The following WDR46 variants were observed in gnomAD, a reference collection of about 807,000 sequenced individuals.
WDR46 encodes the protein WD repeat domain 46.
In WDR46, 58 loss-of-function variants were observed where a neutral mutation model predicts 74.7. The observed-to-expected ratio is 0.78, with a 90% CI of 0.63 to 0.97. WDR46 has a LOEUF of 0.97. Ranked by LOEUF, WDR46 falls within the 50% of genes least tolerant of loss-of-function variation. The probability of loss-of-function intolerance (pLI) is 0.00; values close to 1 mark genes in which losing one functional copy is unlikely to be tolerated. For synonymous variants in WDR46, 278 were observed against 297.3 expected (o/e 0.93, Z 0.67); for missense variants, 702 against 790.1 (o/e 0.89, Z 1.34).
Position 33,288,917 on chromosome 6 carries a change from G to A in WDR46, c.166C>T (p.Gln56Ter), listed in dbSNP as rs1766989165. Reference protein sequence around the residue: ...RNKKNRELRPQRPKNAYILKK... With the variant: ...RNKKNRELRP ...AAGATGTAAGCATTTTTTGGTCTCT[G>A]AGGACGGAGCTCCCGATTCTTCTTG... is the stretch of plus-strand genomic sequence containing the variant. Residue 56 changes from glutamine to a stop codon, truncating the protein, a stop_gained, in exon 2 of 15, where the codon CAG becomes TAG. Coordinates refer to ENST00000374617, the MANE Select transcript of WDR46 (RefSeq NM_005452.6). LOFTEE classifies it high-confidence loss of function. 1 of 1,613,908 alleles carries A rather than the reference G, an allele frequency of 6.2e-7. No homozygotes were observed.
chr6:33,279,109 C>G lies in WDR46; in HGVS notation c.*167G>C. ...CCACAAGATGATCCAGACACATTAT[C>G]CAAAAAATCGCTTTCCTCTTTAATA... is the stretch of plus-strand genomic sequence containing the variant. On this transcript the variant is annotated 3_prime_UTR_variant, in exon 15 of 15. Coordinates refer to ENST00000374617, the MANE Select transcript of WDR46 (RefSeq NM_005452.6). 1.1e-6 allele frequency: 1 copy of G among 889,776 alleles called. No homozygotes were observed. The highest frequency in any genetic ancestry group is 1.7e-6 in the Non-Finnish European group (1 of 582,292). 55.1% of individuals were successfully genotyped at this position (889,776 alleles called of 1,614,324 possible).
rs1259543083 is a variant in WDR46 at position 33,280,439 on chromosome 6, G to A, written c.1513C>T (p.Leu505=). 24 of 1,580,050 alleles carry A rather than the reference G, an allele frequency of 1.5e-5. No individual in the cohort carries two copies. The highest frequency in any genetic ancestry group is 2.1e-5 in the Non-Finnish European group (24 of 1,161,386). ...CAGGGGAGCCTCACCTTCTCTAGCA[G>A]GGCCTTCACCTCCCACTCCTGGCGC... ...KQRQEWEVKA[L]LEKVPAELIC... The change falls in exon 12 of 15, where the codon CTG becomes TTG. Residue 505 remains leucine (L), a synonymous_variant. Transcript: ENST00000374617.
chr6:33,286,533 A>ATAAAATAT (rs1766652643), intron 10 of WDR46, among the ~76,000 whole-genome samples: 1 of 152,250 alleles, frequency 6.6e-6, no homozygotes, highest in African/African-American at 2.4e-5. Context: ...TCAGCAAATC[A>ATAAAATAT]TAAAATATTT....
Position 33,279,412 on chromosome 6 carries a change from G to A in WDR46, c.1735-38C>T, listed in dbSNP as rs149672700. ...GACGGGGAGGACACAGGCACAGAGT[G>A]AGAAGTGGCAGGCTGACAAGGGCAG... On this transcript the variant is annotated intron_variant, in intron 14 of 14. Transcript: ENST00000374617. 46 of 1,612,174 alleles carry A rather than the reference G, an allele frequency of 2.9e-5. No homozygotes were observed. In the East Asian group the frequency reaches 9.4e-4, roughly 33 times the overall value.
Position 33,279,307 on chromosome 6 carries a change from C to A in WDR46, c.1802G>T (p.Arg601Leu). 2 of 1,614,208 alleles carry A rather than the reference C, an allele frequency of 1.2e-6. No homozygotes were observed. Among genetic ancestry groups the A allele is most frequent in the Non-Finnish European group, 1.7e-6 (2 of 1,180,046 alleles). ...CACAAATCTGTCCAGGGCAGATGGC[C>A]GGGCCCCCGTGGGCTTGGCCTTCGC... ...KEAKAKPTGARPSALDRFVR is the reference protein window; with the variant it reads ...KEAKAKPTGALPSALDRFVR The change falls in exon 15 of 15, where the codon CGG becomes CTG. Residue 601 changes from arginine (R) to leucine (L), a missense_variant. Physicochemically the swap from Arg to Leu is moderately radical, Grantham distance 102. Transcript: ENST00000374617.
chr6:33,282,173 T>C (rs377380594), intron 10 of WDR46, among the ~76,000 whole-genome samples: 9 of 152,290 alleles, frequency 5.9e-5, no homozygotes, highest in African/African-American at 1.9e-4. Flanking sequence ...AGGTAGGGGA[T>C]GTATGTTTGC....
intron 10 of WDR46, 63 bp downstream of exon 10, chr6:33,286,732 A>G (rs1398557206): frequency 1.6e-5 from 24 of 1,512,836 alleles, no homozygotes; most frequent in South Asian, 6.9e-5. Flanking sequence ...CCTAAAGCAC[A>G]CTGCCTTCCA....
chr6:33,284,784 A>G (rs6906691), intron 10 of WDR46: 15,563 of 153,514 alleles, frequency 0.1, 2,144 homozygotes, highest in African/African-American at 0.32. Context: ...TGAAAACCGT[A>G]TGAAATTCAA....
At chr6:33,279,716 G>GATGTAAAAAAA in intron 13 of WDR46, 48 bp downstream of exon 13, 1 of 1,612,794 alleles carries the variant, frequency 6.2e-7, no homozygotes. Flanking sequence ...GTGGGGAGAG[G>GATGTAAAAAAA]ATGTGGGGGA....
chr6:33,288,511 A>C (rs1243835643), intron 3 of WDR46, 41 bp from the exon 4 acceptor site: 1 of 1,611,648 alleles, frequency 6.2e-7, no homozygotes, highest in Non-Finnish European at 8.5e-7. Flanking sequence ...GAAGAACCAC[A>C]GGATAAGTGG....
chr6:33,286,053 A>C (rs1339778130), intron 10 of WDR46, among the ~76,000 whole-genome samples: 1 of 151,956 alleles, frequency 6.6e-6, no homozygotes, highest in Non-Finnish European at 1.5e-5. Context: ...AGGCAGGAGA[A>C]TCGCTTGAAT....
At chr6:33,283,399 C>G (rs1393648646) in intron 10 of WDR46, among the ~76,000 whole-genome samples, 1 of 152,008 alleles carries the variant, frequency 6.6e-6, no homozygotes, top group African/African-American at 2.4e-5. Context: ...AAGACAGAGA[C>G]CAGCCTGGGC....
intron 10 of WDR46, chr6:33,284,965 G>A (rs1766488687): frequency 6.5e-6 from 1 of 153,762 alleles, no homozygotes; most frequent in Non-Finnish European, 1.5e-5. Flanking sequence ...ACAGTCGTAA[G>A]TGCTTCACAG....
intron 10 of WDR46, among the ~76,000 whole-genome samples, chr6:33,283,625 C>CGTG (rs1562621358): frequency 1.7e-4 from 26 of 152,066 alleles, no homozygotes. Context: ...CTGAGCTAGG[C>CGTG]GTGGTGGCTC....
At position 33,279,241 on chromosome 6, in the gene WDR46, GGA is replaced by G; in HGVS notation, c.*33_*34del. On this transcript the variant is annotated 3_prime_UTR_variant, in exon 15 of 15. Transcript: ENST00000374617. ...CTCATTTCCCTACAGGTGATCTTGG[GGA>G]GAGACTGTTCCCAGGCAACCCTGGA... The G allele has an allele frequency of 6.2e-7, 1 of 1,612,956 alleles. No homozygotes were observed. Among genetic ancestry groups the G allele is most frequent in the African/African-American group, 1.3e-5 (1 of 75,056 alleles).
Position 33,287,725 on chromosome 6 carries a change from G to A in WDR46, c.624-7C>T, listed in dbSNP as rs1341478886. ...CCCTCCAAAAGCCAGGTGTCTGTTG[G>A]AGGTGAGGGGCAGGCAGGGTGTTAA... On this transcript the variant is annotated splice_region_variant and splice_polypyrimidine_tract_variant and intron_variant, in intron 6 of 14. Coordinates refer to ENST00000374617, the MANE Select transcript of WDR46 (RefSeq NM_005452.6). 6 of 1,613,578 alleles carry A rather than the reference G, an allele frequency of 3.7e-6. No homozygotes were observed. The South Asian group carries it at 4.4e-5, about 12-fold the overall frequency.
Position 33,288,871 on chromosome 6 carries a change from T to C in WDR46, c.212A>G (p.Lys71Arg). Residue 71 changes from lysine to arginine, a missense_variant, in exon 2 of 15, where the codon AAG becomes AGG. Transcript: ENST00000374617. Reference sequence around the variant, plus strand: ...GGGTTTCTTCGGGACCTGAGGCTTCTTAGAGATCCGAGACTTCTTTAAGAT... The same window carrying C: ...GGGTTTCTTCGGGACCTGAGGCTTCCTAGAGATCCGAGACTTCTTTAAGAT... Reference protein sequence around the residue: ...AYILKKSRISKKPQVPKKPRE... With the variant: ...AYILKKSRISRKPQVPKKPRE... 1 of 1,614,134 alleles carries C rather than the reference T, an allele frequency of 6.2e-7. No homozygotes were observed. Among genetic ancestry groups the C allele is most frequent in the East Asian group, 2.2e-5 (1 of 44,874 alleles).
chr6:33,289,073 C>T, intron 1 of WDR46, 29 bp downstream of exon 1: 1 of 1,474,096 alleles, frequency 6.8e-7, no homozygotes, highest in South Asian at 1.1e-5. Flanking sequence ...CAGCTAAAAA[C>T]TTCGTTTCCC....
intron 12 of WDR46, among the ~76,000 whole-genome samples, chr6:33,280,092 G>A (rs187169092): frequency 3.3e-5 from 5 of 151,576 alleles, no homozygotes; most frequent in African/African-American, 7.3e-5. Context: ...TCTCCAGCAG[G>A]GGGGAACCTG....
Sources: allele counts gnomAD v4.1 joint callset (sites outside exome capture counted in the v4.1 genomes callset), GRCh38; gene constraint gnomAD v4.1.1; transcripts MANE v1.5; gene names NCBI Gene and HGNC (gene_info 2026-07-23, HGNC 2026-07-21).